AFAP1L2: variants seen among roughly 807,000 people sequenced by gnomAD.
AFAP1L2 encodes actin filament-associated protein 1-like 2.
A neutral mutation model predicts 99.3 loss-of-function variants in AFAP1L2; 46 were observed. The observed-to-expected ratio is 0.46, with a 90% CI of 0.37 to 0.59. The LOEUF is 0.59. Ranked by LOEUF, AFAP1L2 falls within the 20% of genes least tolerant of loss-of-function variation. The pLI, the probability that AFAP1L2 is intolerant of heterozygous loss-of-function variation, is 0.00. For synonymous variants in AFAP1L2, 397 were observed against 419.1 expected (o/e 0.95, Z 0.64); for missense variants, 959 against 1,034.9 (o/e 0.93, Z 1.01).
rs1231137274 is a variant in AFAP1L2 at position 114,360,497 on chromosome 10, ATAGATAGATAGT to A, written c.17-19778_17-19767del. ...GATATCTCAATATCTAGATAGATAGATAGATAGATAGTTAGATAGATAGATAGATAGATAGAT... is the reference window on the plus strand; with the variant it reads ...GATATCTCAATATCTAGATAGATAGATAGATAGATAGATAGATAGATAGAT... On this transcript the variant is annotated intron_variant, in intron 1 of 18. Transcript: ENST00000304129. 6.6e-3 allele frequency among the ~76,000 whole-genome samples: 763 copies of A among 116,332 alleles called. 4 individuals carry two copies. The highest frequency in any genetic ancestry group is 0.021 in the African/African-American group (582 of 27,830). The allele number at this position is 116,332 out of a possible 152,430, so 76.3% of individuals were successfully genotyped here.
chr10:114,289,287 A>G, the AFAP1L2 span: 2 of 1,613,832 alleles, frequency 1.2e-6, no homozygotes, highest in Non-Finnish European at 1.7e-6. Context: ...TGGTGCTCAC[A>G]GGCGGGAGAG....
intron 1 of AFAP1L2, among the ~76,000 whole-genome samples, chr10:114,361,074 G>A (rs1233560038): frequency 1.3e-5 from 2 of 152,134 alleles, no homozygotes; most frequent in Non-Finnish European, 2.9e-5. Flanking sequence ...GCAGACAGGA[G>A]AAGAGAACTT....
At chr10:114,349,818 G>A (rs2050191398) in intron 1 of AFAP1L2, among the ~76,000 whole-genome samples, 1 of 151,618 alleles carries the variant, frequency 6.6e-6, no homozygotes, top group Non-Finnish European at 1.5e-5. Context: ...AGGGGGGCGG[G>A]GGGGTTTGCT....
chr10:114,373,787 C>T (rs1009449352), intron 1 of AFAP1L2, among the ~76,000 whole-genome samples: 1 of 152,174 alleles, frequency 6.6e-6, no homozygotes, highest in Admixed American at 6.5e-5. Flanking sequence ...GGCCCCAGAG[C>T]TCCGTCTCTG....
intron 1 of AFAP1L2, among the ~76,000 whole-genome samples, chr10:114,395,110 C>A (rs1398621517): frequency 3.9e-5 from 6 of 152,148 alleles, no homozygotes; most frequent in Non-Finnish European, 5.9e-5. Context: ...GCAGTAGGTG[C>A]CACTTCACCA....
intron 2 of AFAP1L2, among the ~76,000 whole-genome samples, chr10:114,337,469 G>A (rs58997468): frequency 0.052 from 7,971 of 152,250 alleles, 634 homozygotes; most frequent in African/African-American, 0.17. Flanking sequence ...AGTGGGCTTC[G>A]CTTCTGAGAA....
chr10:114,396,208 T>C (rs1047353690), intron 1 of AFAP1L2, among the ~76,000 whole-genome samples: 4 of 152,186 alleles, frequency 2.6e-5, no homozygotes, highest in African/African-American at 9.7e-5. Flanking sequence ...CAGGCTGTGC[T>C]TAATAGAGAT....
At position 114,304,865 on chromosome 10, in the gene AFAP1L2, G is replaced by C. The variant is rs772103316; in HGVS notation, c.1138C>G (p.Leu380Val). ...CGGTTCCGGTCCTGGTAGAAGTGCAGGTGATTGTCCCTGACAGAGCACCAG... is the reference window on the plus strand; with the variant it reads ...CGGTTCCGGTCCTGGTAGAAGTGCACGTGATTGTCCCTGACAGAGCACCAG... ...SRWCSVRDNH[L>V]HFYQDRNRSK... Residue 380 changes from leucine (L) to valine (V), a missense_variant, in exon 11 of 19, where the codon CTG (leucine) becomes GTG (valine). Coordinates refer to ENST00000304129, the MANE Select transcript of AFAP1L2 (RefSeq NM_001001936.3). 1.8e-5 allele frequency: 29 copies of C among 1,613,368 alleles called. No homozygotes were observed. In the South Asian group the frequency reaches 3.2e-4, roughly 18 times the overall value.
chr10:114,387,264 A>T (rs922312921), intron 1 of AFAP1L2, among the ~76,000 whole-genome samples: 2 of 152,176 alleles, frequency 1.3e-5, no homozygotes, highest in Non-Finnish European at 2.9e-5. Flanking sequence ...TTTTTCATTG[A>T]TCTTCCCAGC....
chr10:114,320,542 C>G (rs2045041151), intron 5 of AFAP1L2, among the ~76,000 whole-genome samples: 1 of 152,222 alleles, frequency 6.6e-6, no homozygotes. Flanking sequence ...CTCTCCTTGG[C>G]AGGACAGGCA....
chr10:114,347,927 T>G (rs561723807), intron 1 of AFAP1L2, among the ~76,000 whole-genome samples: 5 of 152,346 alleles, frequency 3.3e-5, no homozygotes, highest in Non-Finnish European at 7.3e-5. Flanking sequence ...GTTCCAGAAC[T>G]TTTTTTATTA....
chr10:114,360,509 TTAGATAGA>T lies in AFAP1L2; in HGVS notation c.17-19786_17-19779del, dbSNP rs57811868. ...TCTAGATAGATAGATAGATAGATAG[TTAGATAGA>T]TAGATAGATAGATAGATAGATAGAT... On this transcript the variant is annotated intron_variant, in intron 1 of 18. Coordinates refer to ENST00000304129, the MANE Select transcript of AFAP1L2 (RefSeq NM_001001936.3). Among the ~76,000 whole-genome samples, 178 of 107,400 alleles carry T rather than the reference TTAGATAGA, an allele frequency of 1.7e-3. 1 individual carries two copies. The highest frequency in any genetic ancestry group is 6.0e-3 in the African/African-American group (167 of 28,000). The allele number at this position is 107,400 out of a possible 152,430, so 70.5% of individuals were successfully genotyped here. A position where few individuals can be genotyped will look rare whatever the true frequency, so the allele number is the denominator to read the frequency against.
chr10:114,288,939 G>C, the AFAP1L2 span: 3 of 1,602,910 alleles, frequency 1.9e-6, no homozygotes, highest in Non-Finnish European at 2.6e-6. Context: ...CTCCTGCAGG[G>C]TGCCGGACAC....
At chr10:114,288,334 A>G in the AFAP1L2 span, among the ~76,000 whole-genome samples, 1 of 152,090 alleles carries the variant, frequency 6.6e-6, no homozygotes, top group African/African-American at 2.4e-5. Context: ...TGTTCATTTC[A>G]TGTCTGTTCC....
chr10:114,399,275 C>T (rs75686560), intron 1 of AFAP1L2, among the ~76,000 whole-genome samples: 1,766 of 152,152 alleles, frequency 0.012, 41 homozygotes, highest in African/African-American at 0.04. Context: ...TGCCCACCTG[C>T]GATGTGCTAG....
chr10:114,284,995 A>G, the AFAP1L2 span: 7 of 1,539,214 alleles, frequency 4.5e-6, no homozygotes, highest in Non-Finnish European at 5.2e-6. Flanking sequence ...GCCCTGCAAG[A>G]CTGACCACTG....
At chr10:114,401,054 A>G (rs1448657995) in intron 1 of AFAP1L2, among the ~76,000 whole-genome samples, 2 of 152,246 alleles carry the variant, frequency 1.3e-5, no homozygotes, top group Non-Finnish European at 2.9e-5. Context: ...ACTTTGAAGT[A>G]GTATTTTACT....
the AFAP1L2 span, chr10:114,289,609 G>A: frequency 8.5e-7 from 1 of 1,171,836 alleles, no homozygotes; most frequent in Non-Finnish European, 1.2e-6. Context: ...TGCTTCCCAA[G>A]TGCCAGGTTC....
the AFAP1L2 span, chr10:114,288,963 C>T: frequency 6.8e-5 from 109 of 1,612,166 alleles, no homozygotes; most frequent in Middle Eastern, 6.6e-4. Flanking sequence ...CCCTGGACCT[C>T]GTCTTCATGT....
Sources: allele counts gnomAD v4.1 joint callset (sites outside exome capture counted in the v4.1 genomes callset), GRCh38; gene constraint gnomAD v4.1.1; transcripts MANE v1.5; gene names NCBI Gene and HGNC (gene_info 2026-07-23, HGNC 2026-07-21).